GLIPR1L1: variants seen among roughly 807,000 people sequenced by gnomAD.
GLIPR1L1 encodes the protein GLIPR1 like 1.
A neutral mutation model predicts 29.9 loss-of-function variants in GLIPR1L1; 26 were observed. That is an observed-to-expected ratio of 0.87 (90% CI 0.64 to 1.21). GLIPR1L1 has a LOEUF of 1.21. Ranked by LOEUF, GLIPR1L1 falls within the 50% of genes most tolerant of loss-of-function variation. The pLI, the probability that GLIPR1L1 is intolerant of heterozygous loss-of-function variation, is 0.00. For missense variants in GLIPR1L1, 305 were observed against 290.3 expected (o/e 1.05, Z -0.37); for synonymous variants, 77 against 97.5 (o/e 0.79, Z 1.24).
At chr12:75,357,309 G>T (rs2043217684) in intron 3 of GLIPR1L1, among the ~76,000 whole-genome samples, 1 of 152,080 alleles carries the variant, frequency 6.6e-6, no homozygotes, top group Non-Finnish European at 1.5e-5. Context: ...AATTAATCAA[G>T]AGAACATAAG....
intron 1 of GLIPR1L1, among the ~76,000 whole-genome samples, chr12:75,339,408 A>C (rs988130740): frequency 6.6e-6 from 1 of 152,048 alleles, no homozygotes; most frequent in Non-Finnish European, 1.5e-5. Context: ...TCTTTTGAGA[A>C]GTGTCTGTTC....
intron 3 of GLIPR1L1, among the ~76,000 whole-genome samples, chr12:75,352,865 G>C (rs959743836): frequency 6.6e-6 from 1 of 152,138 alleles, no homozygotes; most frequent in African/African-American, 2.4e-5. Flanking sequence ...ACAACTACAT[G>C]GAAATTGAGC....
chr12:75,354,172 G>T (rs963318395), intron 3 of GLIPR1L1, among the ~76,000 whole-genome samples: 60 of 145,482 alleles, frequency 4.1e-4, no homozygotes, highest in Non-Finnish European at 6.2e-4. Context: ...AAAAAGGGGG[G>T]GGGGTATTCA....
intron 2 of GLIPR1L1, among the ~76,000 whole-genome samples, chr12:75,344,424 A>G (rs1022844019): frequency 6.6e-6 from 1 of 152,012 alleles, no homozygotes; most frequent in Admixed American, 6.6e-5. Context: ...AATCCCATTC[A>G]GTTTGTTTTC....
At chr12:75,354,169 G>C (rs1029298169) in intron 3 of GLIPR1L1, among the ~76,000 whole-genome samples, 11 of 144,626 alleles carry the variant, frequency 7.6e-5, no homozygotes, top group African/African-American at 7.7e-5. Context: ...AAAAAAAAGG[G>C]GGGGGGGTAT....
At chr12:75,351,312 T>C (rs577987501) in intron 3 of GLIPR1L1, among the ~76,000 whole-genome samples, 135 of 152,166 alleles carry the variant, frequency 8.9e-4, no homozygotes, top group Non-Finnish European at 1.6e-3. Context: ...AAGGTCAACA[T>C]TCAAATTCAG....
intron 3 of GLIPR1L1, among the ~76,000 whole-genome samples, chr12:75,361,291 A>G (rs916209556): frequency 6.6e-6 from 1 of 152,194 alleles, no homozygotes; most frequent in Non-Finnish European, 1.5e-5. Context: ...GGGTAGGTAT[A>G]TGTAAAATAG....
At chr12:75,336,931 A>G (rs2041775487) in intron 1 of GLIPR1L1, among the ~76,000 whole-genome samples, 1 of 151,844 alleles carries the variant, frequency 6.6e-6, no homozygotes, top group South Asian at 2.1e-4. Flanking sequence ...TCTTCTGAAA[A>G]AAAAGTCTTA....
At chr12:75,341,096 C>T (rs907244269) in intron 1 of GLIPR1L1, among the ~76,000 whole-genome samples, 2 of 151,876 alleles carry the variant, frequency 1.3e-5, no homozygotes, top group African/African-American at 4.8e-5. Context: ...CACTTCTGGG[C>T]ACTTTTTCCT....
chr12:75,348,899 C>G (rs537262298), intron 3 of GLIPR1L1, among the ~76,000 whole-genome samples: 1 of 152,084 alleles, frequency 6.6e-6, no homozygotes, highest in African/African-American at 2.4e-5. Flanking sequence ...AAAAAGTTAG[C>G]CCTATAATTC....
At chr12:75,365,843 C>A (rs2043928302) in intron 4 of GLIPR1L1, among the ~76,000 whole-genome samples, 1 of 152,062 alleles carries the variant, frequency 6.6e-6, no homozygotes, top group Non-Finnish European at 1.5e-5. Flanking sequence ...ACCAATAATT[C>A]AGTATGTAGC....
At chr12:75,335,025 G>A in intron 1 of GLIPR1L1, 123 bp downstream of exon 1, 1 of 919,902 alleles carries the variant, frequency 1.1e-6, no homozygotes. Flanking sequence ...CAGTTAAAAA[G>A]AAAAAAATTC....
intron 4 of GLIPR1L1, among the ~76,000 whole-genome samples, chr12:75,366,660 A>G (rs1320587263): frequency 6.8e-6 from 1 of 147,278 alleles, no homozygotes; most frequent in Non-Finnish European, 1.5e-5. Context: ...TTTTTTTCTT[A>G]AAAGGAGGAA....
At chr12:75,339,145 A>G (rs1233279758) in intron 1 of GLIPR1L1, among the ~76,000 whole-genome samples, 3 of 152,170 alleles carry the variant, frequency 2.0e-5, no homozygotes, top group African/African-American at 7.2e-5. Flanking sequence ...GTCAAATGGT[A>G]TTTCTGACTC....
At chr12:75,337,192 G>A (rs2041794437) in intron 1 of GLIPR1L1, among the ~76,000 whole-genome samples, 1 of 151,712 alleles carries the variant, frequency 6.6e-6, no homozygotes, top group African/African-American at 2.4e-5. Context: ...TTCAACTCAA[G>A]AAGGTAGGAA....
intron 4 of GLIPR1L1, among the ~76,000 whole-genome samples, chr12:75,367,981 C>T (rs1325856036): frequency 6.6e-6 from 1 of 152,036 alleles, no homozygotes; most frequent in Non-Finnish European, 1.5e-5. Flanking sequence ...CCTTATTTTG[C>T]TGAGTTTTTA....
chr12:75,351,037 A>G (rs2042774662), intron 3 of GLIPR1L1, among the ~76,000 whole-genome samples: 1 of 152,240 alleles, frequency 6.6e-6, no homozygotes, highest in Non-Finnish European at 1.5e-5. Context: ...ACAACACAAG[A>G]ACTTCACAAT....
chr12:75,342,696 T>C (rs2042197629), intron 1 of GLIPR1L1, among the ~76,000 whole-genome samples: 1 of 152,172 alleles, frequency 6.6e-6, no homozygotes, highest in Non-Finnish European at 1.5e-5. Context: ...CACATAAATT[T>C]TGTAATCAAT....
rs1392246925 is a variant in GLIPR1L1 at position 75,336,775 on chromosome 12, T to G, written c.174+1873T>G. On this transcript the variant is annotated intron_variant, in intron 1 of 5. Transcript: ENST00000378695. ...AAAAAAGATTTGAACATCAAACAAT[T>G]TTACCTAATTGACATTAAACAATTT... Among the ~76,000 whole-genome samples the G allele has an allele frequency of 1.3e-5, 2 of 151,826 alleles. 1 individual carries two copies. The highest frequency in any genetic ancestry group is 3.0e-5 in the Non-Finnish European group (2 of 67,744).
Sources: gnomAD v4.1 joint callset for allele counts (sites outside exome capture counted in the v4.1 genomes callset) on GRCh38, gnomAD v4.1.1 for gene constraint, MANE v1.5 for transcripts, NCBI Gene and HGNC (gene_info 2026-07-23, HGNC 2026-07-21) for gene names.